Variants in DMXL2 observed in about 807,000 individuals in gnomAD.
The protein encoded by DMXL2 is Dmx like 2.
DMXL2 carries 103 observed loss-of-function variants against 331.1 expected under a neutral mutation model. The ratio of observed to expected loss-of-function variants is 0.31; its 90% CI spans 0.27 to 0.37. The LOEUF (loss-of-function observed/expected upper bound fraction) is 0.37, where lower values mean the gene tolerates loss of function less well. DMXL2 is among the 10% of genes least tolerant of loss of function. DMXL2 has a pLI of 1.00. For missense variants in DMXL2, 3,171 were observed against 3,642.9 expected, an observed-to-expected ratio of 0.87 and a Z score of 3.33; for synonymous variants, 1,281 against 1,252.1, an observed-to-expected ratio of 1.02 and a Z score of -0.49.
intron 2 of DMXL2, among the ~76,000 whole-genome samples, chr15:51,574,007 A>T (rs920627857): frequency 6.6e-6 from 1 of 152,150 alleles, no homozygotes; most frequent in Admixed American, 6.5e-5. Flanking sequence ...GCATCAACTA[A>T]TAACAGGTCT....
chr15:51,454,772 G>A (rs1194090715), intron 40 of DMXL2, among the ~76,000 whole-genome samples: 2 of 152,106 alleles, frequency 1.3e-5, no homozygotes, highest in Non-Finnish European at 2.9e-5. Context: ...TGGGATTACA[G>A]GCGTGAGCCA....
intron 43 of DMXL2, 132 bp from the exon 44 acceptor site, chr15:51,449,325 G>T: frequency 1.4e-6 from 1 of 735,778 alleles, no homozygotes; most frequent in Non-Finnish European, 2.2e-6. Flanking sequence ...TTTCCTAAGA[G>T]CTTATCTAAG....
chr15:51,587,815 T>C (rs7495962), intron 1 of DMXL2, among the ~76,000 whole-genome samples: 3 of 151,806 alleles, frequency 2.0e-5, no homozygotes, highest in African/African-American at 7.3e-5. Flanking sequence ...TTTCTCCACA[T>C]CCTCTCCAGC....
In DMXL2 at chr15:51,448,948, T is replaced by C; in HGVS notation, c.*36A>G. The C allele has an allele frequency of 6.3e-7, 1 of 1,598,130 alleles. No individual in the cohort carries two copies. Among genetic ancestry groups the C allele is most frequent in the Non-Finnish European group, 8.6e-7 (1 of 1,169,470 alleles). On this transcript the variant is annotated 3_prime_UTR_variant, in exon 44 of 44. Coordinates refer to ENST00000560891, the MANE Select transcript of DMXL2 (RefSeq NM_001378457.1). ...CCTAGTGATGACTGTAGTGTGCCTTTTAACTGAAATGTATATAAAAATAAA... is the reference window on the plus strand; with the variant it reads ...CCTAGTGATGACTGTAGTGTGCCTTCTAACTGAAATGTATATAAAAATAAA...
chr15:51,596,724 T>C (rs994062222), intron 1 of DMXL2, among the ~76,000 whole-genome samples: 11 of 152,202 alleles, frequency 7.2e-5, no homozygotes, highest in Non-Finnish European at 1.3e-4. Context: ...ATATACACCA[T>C]GGAATGCTAT....
At chr15:51,542,812 G>A (rs1413311501) in intron 8 of DMXL2, among the ~76,000 whole-genome samples, 3 of 151,000 alleles carry the variant, frequency 2.0e-5, no homozygotes, top group South Asian at 4.2e-4. Flanking sequence ...TCCTAGTACT[G>A]AGACAGAATT....
chr15:51,606,368 G>A (rs1264208521), intron 1 of DMXL2, among the ~76,000 whole-genome samples: 1 of 152,156 alleles, frequency 6.6e-6, no homozygotes, highest in South Asian at 2.1e-4. Flanking sequence ...AGCTAATTTC[G>A]TATTTTTAGT....
intron 2 of DMXL2, among the ~76,000 whole-genome samples, chr15:51,569,063 C>G (rs1596291092): frequency 6.6e-6 from 1 of 152,186 alleles, no homozygotes; most frequent in Non-Finnish European, 1.5e-5. Flanking sequence ...CCGGGAAGAA[C>G]AGTACACTCT....
intron 1 of DMXL2, among the ~76,000 whole-genome samples, chr15:51,600,215 C>G (rs1054348419): frequency 6.6e-6 from 1 of 152,140 alleles, no homozygotes; most frequent in Non-Finnish European, 1.5e-5. Flanking sequence ...TCTCCATTTC[C>G]TCCCAGGTCC....
chr15:51,476,557 G>T, intron 27 of DMXL2, 32 bp downstream of exon 27: 1 of 1,582,564 alleles, frequency 6.3e-7, no homozygotes, highest in Non-Finnish European at 8.6e-7. Flanking sequence ...CCAACTAGAA[G>T]ATTTTTTTTT....
At chr15:51,583,460 C>T (rs1475409335) in intron 1 of DMXL2, among the ~76,000 whole-genome samples, 1 of 45,982 alleles carries the variant, frequency 2.2e-5, no homozygotes, top group Non-Finnish European at 4.3e-5. Context: ...ATGAACTCAT[C>T]ATTTTTTATG....
At chr15:51,566,228 GT>G (rs755029546) in intron 3 of DMXL2, among the ~76,000 whole-genome samples, 8,077 of 135,410 alleles carry the variant, frequency 0.06, 406 homozygotes, top group East Asian at 0.33. Context: ...AAATGTGTGT[GT>G]GGGGTGTGTG....
intron 1 of DMXL2, among the ~76,000 whole-genome samples, chr15:51,607,504 T>C (rs1277881336): frequency 6.6e-6 from 1 of 152,070 alleles, no homozygotes; most frequent in African/African-American, 2.4e-5. Flanking sequence ...CAAAAGGTAT[T>C]AGTCACAGAA....
At chr15:51,534,634 A>G (rs1413849840) in intron 13 of DMXL2, among the ~76,000 whole-genome samples, 1 of 152,140 alleles carries the variant, frequency 6.6e-6, no homozygotes, top group Non-Finnish European at 1.5e-5. Context: ...TTCTAGTTCT[A>G]TGATTCTATT....
At chr15:51,542,553 T>C in intron 8 of DMXL2, 46 bp from the exon 9 acceptor site, 1 of 1,457,828 alleles carries the variant, frequency 6.9e-7, no homozygotes, top group Non-Finnish European at 9.4e-7. Context: ...GAACCTCTAA[T>C]AAATGCCAAC....
chr15:51,554,668 A>G (rs1322883543), intron 6 of DMXL2, among the ~76,000 whole-genome samples: 1 of 152,226 alleles, frequency 6.6e-6, no homozygotes, highest in African/African-American at 2.4e-5. Context: ...TTTAAAAACA[A>G]TGAGGCAAAT....
At chr15:51,581,678 G>C (rs2051430863) in intron 1 of DMXL2, among the ~76,000 whole-genome samples, 1 of 152,090 alleles carries the variant, frequency 6.6e-6, no homozygotes, top group South Asian at 2.1e-4. Flanking sequence ...TTATGTCTCA[G>C]ATAAATTGAA....
In DMXL2 at chr15:51,587,854, C is replaced by T. The variant is rs1555444898; in HGVS notation, c.88-11673G>A. On this transcript the variant is annotated intron_variant, in intron 1 of 43. Coordinates refer to ENST00000560891, the MANE Select transcript of DMXL2 (RefSeq NM_001378457.1). ...TGTTGTTTCCTGACTTTTTAATGAT[C>T]GCCATTCTAACTGGTGTGAGATGGT... 6.0e-4 allele frequency among the ~76,000 whole-genome samples: 92 copies of T among 152,196 alleles called. No homozygotes were observed. In the East Asian group the frequency reaches 0.014, roughly 24 times the overall value.
At chr15:51,566,460 C>T (rs1416317259) in intron 3 of DMXL2, among the ~76,000 whole-genome samples, 3 of 152,056 alleles carry the variant, frequency 2.0e-5, no homozygotes, top group African/African-American at 4.8e-5. Flanking sequence ...TTATAGACAT[C>T]CCTAATATTC....
Sources: gnomAD v4.1 joint callset for allele counts (sites outside exome capture counted in the v4.1 genomes callset) on GRCh38, gnomAD v4.1.1 for gene constraint, MANE v1.5 for transcripts, NCBI Gene and HGNC (gene_info 2026-07-23, HGNC 2026-07-21) for gene names.